AFG1L: variants seen among roughly 807,000 people sequenced by gnomAD.
The protein encoded by AFG1L is AFG1 like ATPase.
In AFG1L, 53 loss-of-function variants were observed where a neutral mutation model predicts 62.2. The observed-to-expected ratio is 0.85, with a 90% CI of 0.68 to 1.07. The LOEUF (loss-of-function observed/expected upper bound fraction) is 1.07, where lower values mean the gene tolerates loss of function less well. Among genes scored for constraint, AFG1L ranks in the 50% least tolerant of loss-of-function variants. The pLI is 0.00. For missense variants in AFG1L, 555 were observed against 590.5 expected (o/e 0.94, Z 0.62); for synonymous variants, 228 against 210.3 (o/e 1.08, Z -0.73).
rs1372531717 is a variant in AFG1L, at chr6:108,323,809, A to G, written c.140-16A>G. The G allele has an allele frequency of 3.2e-6, 5 of 1,585,948 alleles. No homozygotes were observed. The Admixed American group carries it at 6.8e-5, about 22-fold the overall frequency. ...TGTATTTAAGAAAGTCTAAAATTTTATGTTTTTGTTTATAGCCTATACGGT... is the reference window on the plus strand; with the variant it reads ...TGTATTTAAGAAAGTCTAAAATTTTGTGTTTTTGTTTATAGCCTATACGGT... On this transcript the variant is annotated splice_polypyrimidine_tract_variant and intron_variant, in intron 1 of 12. Transcript: ENST00000368977.
chr6:108,366,287 A>T lies in AFG1L; in HGVS notation c.703A>T (p.Lys235Ter). 1 of 1,612,374 alleles carries T rather than the reference A, an allele frequency of 6.2e-7. No individual in the cohort carries two copies. Among genetic ancestry groups the T allele is most frequent in the Non-Finnish European group, 8.5e-7 (1 of 1,178,814 alleles). The change falls in exon 6 of 13, where the codon AAA becomes TAA. Residue 235 changes from lysine (K) to a stop codon, truncating the protein, a stop_gained. Coordinates refer to ENST00000368977, the MANE Select transcript of AFG1L (RefSeq NM_145315.5). LOFTEE classifies it high-confidence loss of function. ...ILKQLFENLF[K>*]NGVVVVATSN... The stretch of plus-strand genomic sequence containing the variant: ...GAAACAGCTTTTTGAAAATCTGTTC[A>T]AAAACGGGGTCGTCGTTGTGGCAAC...
chr6:108,497,610 T>A (rs1271296238), intron 10 of AFG1L, among the ~76,000 whole-genome samples: 2 of 152,104 alleles, frequency 1.3e-5, no homozygotes, highest in Admixed American at 1.3e-4. Flanking sequence ...AGTTCTTGTA[T>A]ACAGTAAATC....
chr6:108,309,921 C>T (rs1363271542), intron 1 of AFG1L, among the ~76,000 whole-genome samples: 1 of 152,168 alleles, frequency 6.6e-6, no homozygotes, highest in Non-Finnish European at 1.5e-5. Context: ...TAGCCTGTTA[C>T]TGTTTCATGG....
At chr6:108,506,760 C>T (rs1415365577) in intron 10 of AFG1L, among the ~76,000 whole-genome samples, 2 of 152,106 alleles carry the variant, frequency 1.3e-5, no homozygotes, top group East Asian at 3.8e-4. Flanking sequence ...TAATGTATTG[C>T]TTTTTAATTT....
In AFG1L at chr6:108,316,637, C is replaced by A. The variant is rs189453218; in HGVS notation, c.140-7188C>A. On this transcript the variant is annotated intron_variant, in intron 1 of 12. Transcript: ENST00000368977. ...CAAGCTCCGCCTCCCAGGTTCACGC[C>A]CTTCTCCTGCCTCAGCCTCCGAGTA... Among the ~76,000 whole-genome samples, 758 of 150,748 alleles carry A rather than the reference C, an allele frequency of 5.0e-3. 4 individuals are homozygous for A. Among genetic ancestry groups the A allele is most frequent in the African/African-American group, 0.018 (734 of 41,072 alleles).
chr6:108,319,105 A>G (rs1182846713), intron 1 of AFG1L, among the ~76,000 whole-genome samples: 1 of 152,184 alleles, frequency 6.6e-6, no homozygotes, highest in East Asian at 1.9e-4. Context: ...ACACTATTAA[A>G]TCAAGATGTT....
rs781307157 is a variant in AFG1L at position 108,323,851 on chromosome 6, A to G, written c.166A>G (p.Met56Val). The G allele has an allele frequency of 6.8e-6, 11 of 1,614,076 alleles. No individual in the cohort carries two copies. The highest frequency in any genetic ancestry group is 1.1e-5 in the South Asian group (1 of 91,088). ...CTATACGGTTCAGACATCCGAGAGCATGACCCCAACTGCCACTTCAGAGAC... is the reference window on the plus strand; with the variant it reads ...CTATACGGTTCAGACATCCGAGAGCGTGACCCCAACTGCCACTTCAGAGAC... ...KAYTVQTSES[M>V]TPTATSETYL... Residue 56 changes from methionine (M) to valine (V), a missense_variant, in exon 2 of 13, where the codon ATG becomes GTG. Transcript: ENST00000368977.
intron 10 of AFG1L, among the ~76,000 whole-genome samples, chr6:108,500,188 G>GTGTGTT (rs1380212218): frequency 4.6e-5 from 7 of 150,996 alleles, no homozygotes; most frequent in Admixed American, 3.3e-4. Flanking sequence ...GTGTGTGTGT[G>GTGTGTT]TGTGTGTGTG....
chr6:108,503,491 G>A (rs1190998480), intron 10 of AFG1L, among the ~76,000 whole-genome samples: 1 of 152,056 alleles, frequency 6.6e-6, no homozygotes, highest in Non-Finnish European at 1.5e-5. Flanking sequence ...CTTTTTTTCT[G>A]AGCAGTAGCT....
At chr6:108,389,995 C>G (rs1194716584) in intron 6 of AFG1L, among the ~76,000 whole-genome samples, 4 of 152,146 alleles carry the variant, frequency 2.6e-5, no homozygotes, top group African/African-American at 7.2e-5. Flanking sequence ...TTCCATTCTC[C>G]CTTTCACTTT....
intron 6 of AFG1L, among the ~76,000 whole-genome samples, chr6:108,389,088 G>T (rs199764002): frequency 4.9e-4 from 74 of 152,230 alleles, no homozygotes; most frequent in Admixed American, 1.3e-4. Flanking sequence ...ATATTTAGGA[G>T]AGTTAGCTCT....
Position 108,422,477 on chromosome 6 carries a change from C to CAAAAAAAA in AFG1L, c.807+20438_807+20445dup, listed in dbSNP as rs539232525. Among the ~76,000 whole-genome samples the CAAAAAAAA allele has an allele frequency of 6.0e-3, 274 of 45,746 alleles. 1 individual carries two copies. The highest frequency in any genetic ancestry group is 0.024 in the Middle Eastern group (1 of 42). The allele number at this position is 45,746 out of a possible 152,430, so 30.0% of individuals were successfully genotyped here. A position where few individuals can be genotyped will look rare whatever the true frequency, so the allele number is the denominator to read the frequency against. ...ATATTTTTTTAAAATTAGTCCTCAG[C>CAAAAAAAA]AAAAAAAAAAAAAAAAAAAAAAGAA... is the stretch of plus-strand genomic sequence containing the variant. On this transcript the variant is annotated intron_variant, in intron 7 of 12. Transcript: ENST00000368977.
intron 5 of AFG1L, among the ~76,000 whole-genome samples, chr6:108,366,004 C>A (rs763382950): frequency 2.0e-5 from 3 of 151,966 alleles, no homozygotes; most frequent in Non-Finnish European, 4.4e-5. Flanking sequence ...TATCATAGAA[C>A]CATTTGGTAA....
At chr6:108,520,492 G>A (rs1562210631) in intron 12 of AFG1L, 1 of 152,152 alleles carries the variant, frequency 6.6e-6, no homozygotes, top group Non-Finnish European at 1.5e-5. Context: ...TATGAGATGT[G>A]TTTCTCAACT....
At chr6:108,509,076 T>C (rs954621995) in intron 10 of AFG1L, among the ~76,000 whole-genome samples, 2 of 152,206 alleles carry the variant, frequency 1.3e-5, no homozygotes. Flanking sequence ...GGTTTGCTGC[T>C]CACAGAGTAC....
chr6:108,370,980 G>A (rs1342432253), intron 6 of AFG1L, among the ~76,000 whole-genome samples: 3 of 152,040 alleles, frequency 2.0e-5, no homozygotes, highest in Non-Finnish European at 4.4e-5. Flanking sequence ...GGAAGGTCTT[G>A]TGGAAGACAA....
At chr6:108,347,653 A>G (rs1778913064) in intron 3 of AFG1L, among the ~76,000 whole-genome samples, 1 of 152,130 alleles carries the variant, frequency 6.6e-6, no homozygotes, top group African/African-American at 2.4e-5. Context: ...CCCTGACCTC[A>G]TTCTTACTGA....
intron 7 of AFG1L, among the ~76,000 whole-genome samples, chr6:108,421,027 C>T (rs184005680): frequency 2.0e-5 from 3 of 152,064 alleles, no homozygotes; most frequent in African/African-American, 7.2e-5. Context: ...CTCCCTTTCC[C>T]CTCCCTGAAA....
chr6:108,517,626 T>C (rs140790636), intron 11 of AFG1L, among the ~76,000 whole-genome samples: 3,625 of 152,212 alleles, frequency 0.024, 146 homozygotes, highest in African/African-American at 0.082. Context: ...CCAAAAGCAA[T>C]GGCAACAAAA....
Sources: allele counts gnomAD v4.1 joint callset (sites outside exome capture counted in the v4.1 genomes callset), GRCh38; gene constraint gnomAD v4.1.1; transcripts MANE v1.5; gene names NCBI Gene and HGNC (gene_info 2026-07-23, HGNC 2026-07-21).